Variants in ZBBX observed in about 807,000 individuals in gnomAD.
The protein encoded by ZBBX is zinc finger B-box domain-containing protein 1.
A neutral mutation model predicts 108.5 loss-of-function variants in ZBBX; 101 were observed. The observed-to-expected ratio is 0.93, with a 90% CI of 0.79 to 1.10. The LOEUF (loss-of-function observed/expected upper bound fraction) is 1.10, where lower values mean the gene tolerates loss of function less well. ZBBX is among the 50% of genes least tolerant of loss of function. ZBBX has a pLI of 0.00. For synonymous variants in ZBBX, 356 were observed against 323.4 expected (o/e 1.10, Z -1.08); for missense variants, 1,009 against 941.4 (o/e 1.07, Z -0.94).
intron 20 of ZBBX, among the ~76,000 whole-genome samples, chr3:167,250,943 C>T (rs758925119): frequency 2.0e-5 from 3 of 152,152 alleles, no homozygotes; most frequent in Non-Finnish European, 2.9e-5. Flanking sequence ...GAAAAACACA[C>T]AGGTAGCCAG....
In ZBBX at chr3:167,305,766, A is replaced by AC; in HGVS notation, c.1601dup (p.Arg535Ter). 1.2e-6 allele frequency: 2 copies of AC among 1,612,930 alleles called. No individual in the cohort carries two copies. The highest frequency in any genetic ancestry group is 1.7e-6 in the Non-Finnish European group (2 of 1,179,488). On this transcript the variant is annotated frameshift_variant, in exon 17 of 22. Transcript: ENST00000675490. LOFTEE classifies it high-confidence loss of function. ...CAATGGGAGCTTTTTCTAAATCTCT[A>AC]CCTAGCAAAGTGTCCTTGCTTTCAA...
At chr3:167,369,603 C>A (rs968886927) in intron 4 of ZBBX, among the ~76,000 whole-genome samples, 2 of 152,176 alleles carry the variant, frequency 1.3e-5, no homozygotes, top group Non-Finnish European at 2.9e-5. Flanking sequence ...CAAACAAACA[C>A]TGCTAGGTGA....
At position 167,400,856 on chromosome 3, in the gene ZBBX, A is replaced by AT. The variant is rs569987456; in HGVS notation, c.-446+6869dup. ...AGGTAGGTAAGAGACAAATGGTTGC[A>AT]TTTTTTTGAGTTTCTGATTAGCCTC... is the stretch of plus-strand genomic sequence containing the variant. On this transcript the variant is annotated intron_variant, in intron 1 of 21. Transcript: ENST00000455345. Among the ~76,000 whole-genome samples the AT allele has an allele frequency of 1.6e-4, 25 of 152,146 alleles. No individual in the cohort carries two copies. The East Asian group carries it at 4.5e-3, about 27-fold the overall frequency.
intron 17 of ZBBX, among the ~76,000 whole-genome samples, chr3:167,299,924 T>G (rs1054786930): frequency 6.6e-6 from 1 of 152,154 alleles, no homozygotes; most frequent in Non-Finnish European, 1.5e-5. Flanking sequence ...TTTAGAAAGC[T>G]CTATTTTACA....
In ZBBX at chr3:167,333,795, A is replaced by T. The variant is rs772090959; in HGVS notation, c.687+32T>A. On this transcript the variant is annotated intron_variant, in intron 10 of 21. Coordinates refer to ENST00000675490, the MANE Select transcript of ZBBX (RefSeq NM_001199201.2). ...GGCACCTGCCATAGTTACATATGTCAGAAAATGTCTACTATATTTTCCTCA... is the reference window on the plus strand; with the variant it reads ...GGCACCTGCCATAGTTACATATGTCTGAAAATGTCTACTATATTTTCCTCA... 5.2e-6 allele frequency: 8 copies of T among 1,527,278 alleles called. No individual in the cohort carries two copies. In the East Asian group the frequency reaches 1.9e-4, roughly 35 times the overall value. 94.6% of individuals were successfully genotyped at this position (1,527,278 alleles called of 1,614,324 possible).
chr3:167,274,635 C>T (rs79190594), intron 20 of ZBBX, among the ~76,000 whole-genome samples: 3,252 of 152,304 alleles, frequency 0.021, 56 homozygotes, highest in Non-Finnish European at 0.036. Flanking sequence ...CTGTAAACAG[C>T]CTACCCCCTT....
chr3:167,259,731 T>C (rs4955774), intron 20 of ZBBX, among the ~76,000 whole-genome samples: 114,461 of 152,056 alleles, frequency 0.75, 43,153 homozygotes, highest in East Asian at 0.84. Flanking sequence ...TCATTTTTAA[T>C]CCAGTGCTCA....
intron 9 of ZBBX, among the ~76,000 whole-genome samples, chr3:167,334,751 C>T (rs1739279327): frequency 6.6e-6 from 1 of 151,816 alleles, no homozygotes; most frequent in African/African-American, 2.4e-5. Context: ...ATATTTTGTG[C>T]ACATCATAAA....
At chr3:167,331,650 T>C (rs1249270696) in intron 10 of ZBBX, 1 of 984,972 alleles carries the variant, frequency 1.0e-6, no homozygotes, top group East Asian at 1.1e-4. Flanking sequence ...AACTGTCATA[T>C]ATCACGTCCA....
At chr3:167,243,965 C>T (rs1386368315) in intron 20 of ZBBX, among the ~76,000 whole-genome samples, 1 of 151,866 alleles carries the variant, frequency 6.6e-6, no homozygotes, top group Non-Finnish European at 1.5e-5. Context: ...GTTCCTGCTC[C>T]CACCATATCC....
At chr3:167,236,376 T>C (rs962835921), downstream of ZBBX, among the ~76,000 whole-genome samples, 4 of 151,722 alleles carry the variant, frequency 2.6e-5, no homozygotes, top group Non-Finnish European at 5.9e-5. Flanking sequence ...TGCCTGTATA[T>C]TCAAAGATTA....
At chr3:167,224,730 A>G in the ZBBX span, among the ~76,000 whole-genome samples, 1 of 151,962 alleles carries the variant, frequency 6.6e-6, no homozygotes, top group East Asian at 1.9e-4. Flanking sequence ...TAAATATACA[A>G]TCATGTGTAA....
chr3:167,264,192 G>A (rs1345831572), intron 20 of ZBBX, among the ~76,000 whole-genome samples: 2 of 147,968 alleles, frequency 1.4e-5, no homozygotes, highest in African/African-American at 4.9e-5. Context: ...GGAGAGTTTA[G>A]TTCATTTACA....
chr3:167,257,846 AT>A (rs150026309), intron 20 of ZBBX, among the ~76,000 whole-genome samples: 1 of 151,234 alleles, frequency 6.6e-6, no homozygotes, highest in African/African-American at 2.4e-5. Flanking sequence ...TTTTGAAGGG[AT>A]TTTTTTCTTT....
At chr3:167,394,627 C>T (rs750900253) in intron 1 of ZBBX, among the ~76,000 whole-genome samples, 12 of 151,708 alleles carry the variant, frequency 7.9e-5, no homozygotes, top group South Asian at 2.1e-4. Flanking sequence ...AAAGGTTACA[C>T]GGCCCAAAGA....
At chr3:167,339,844 G>A (rs536242873) in intron 9 of ZBBX, among the ~76,000 whole-genome samples, 3 of 151,922 alleles carry the variant, frequency 2.0e-5, no homozygotes, top group East Asian at 1.9e-4. Context: ...GAAAGGCTCC[G>A]GTGTGTGTTG....
In ZBBX at chr3:167,305,687, T is replaced by G; in HGVS notation, c.1681A>C (p.Lys561Gln). The change falls in exon 17 of 22, where the codon AAG becomes CAG. Residue 561 changes from lysine (K) to glutamine (Q), a missense_variant. Coordinates refer to ENST00000675490, the MANE Select transcript of ZBBX (RefSeq NM_001199201.2). ...KESLELSNLY[K>Q]RPSFEESKTT... The stretch of plus-strand genomic sequence containing the variant: ...TTTGATTCTTCAAAGCTTGGCCTCT[T>G]ATACAGATTGCTCAATTCCAAGGAT... 1 of 1,607,500 alleles carries G rather than the reference T, an allele frequency of 6.2e-7. No homozygotes were observed. Among genetic ancestry groups the G allele is most frequent in the Non-Finnish European group, 8.5e-7 (1 of 1,178,142 alleles).
chr3:167,279,653 A>G (rs1728389836), intron 20 of ZBBX, among the ~76,000 whole-genome samples: 1 of 151,946 alleles, frequency 6.6e-6, no homozygotes, highest in Non-Finnish European at 1.5e-5. Flanking sequence ...AATCAATATC[A>G]TGAAAATGGC....
At chr3:167,178,718 A>G in the ZBBX span, among the ~76,000 whole-genome samples, 2 of 152,188 alleles carry the variant, frequency 1.3e-5, no homozygotes, top group Non-Finnish European at 1.5e-5. Context: ...ACTTTTTGTT[A>G]TCGGATCTCT....
Sources: gnomAD v4.1 joint callset for allele counts (sites outside exome capture counted in the v4.1 genomes callset) on GRCh38, gnomAD v4.1.1 for gene constraint, MANE v1.5 for transcripts, NCBI Gene and HGNC (gene_info 2026-07-23, HGNC 2026-07-21) for gene names.